The following PLXNA2 variants were observed in gnomAD, a reference collection of about 807,000 sequenced individuals.
PLXNA2 encodes plexin A2.
PLXNA2 carries 91 observed loss-of-function variants against 193.5 expected under a neutral mutation model. The observed-to-expected ratio is 0.47, with a 90% CI of 0.40 to 0.56. PLXNA2 has a LOEUF of 0.56. PLXNA2 is among the 20% of genes least tolerant of loss of function. The pLI is 0.00. For synonymous variants in PLXNA2, 997 were observed against 1,027.3 expected (o/e 0.97, Z 0.56); for missense variants, 1,995 against 2,503.2 (o/e 0.80, Z 4.33).
chr1:208,045,100 C>T lies in PLXNA2; in HGVS notation c.3606G>A (p.Glu1202=), dbSNP rs755422630. The T allele has an allele frequency of 1.5e-5, 25 of 1,614,072 alleles. No homozygotes were observed. The highest frequency in any genetic ancestry group is 2.1e-5 in the Non-Finnish European group (25 of 1,180,016). The change falls in exon 19 of 32, where the codon GAG becomes GAA. Residue 1202 remains glutamate (E), a synonymous_variant. Coordinates refer to ENST00000367033, the MANE Select transcript of PLXNA2 (RefSeq NM_025179.4). ...VTVSETQLLC[E]PPNLTGQHKV... ...TGTGCTGCCCGGTGAGGTTGGGAGG[C>T]TCGCAGAGAAGCTGGGTCTCAGATA...
At chr1:208,231,559 G>A (rs1033359378) in intron 1 of PLXNA2, among the ~76,000 whole-genome samples, 2 of 152,108 alleles carry the variant, frequency 1.3e-5, no homozygotes, top group Non-Finnish European at 2.9e-5. Context: ...CATGCCCTTC[G>A]GAAAAACCTT....
intron 9 of PLXNA2, among the ~76,000 whole-genome samples, chr1:208,090,778 G>A (rs546686935): frequency 1.3e-5 from 2 of 152,218 alleles, no homozygotes; most frequent in African/African-American, 4.8e-5. Flanking sequence ...TTTTATTAAG[G>A]AACTTTCAAA....
chr1:208,156,081 T>G (rs2102506213), intron 3 of PLXNA2, among the ~76,000 whole-genome samples: 1 of 152,166 alleles, frequency 6.6e-6, no homozygotes, highest in South Asian at 2.1e-4. Context: ...TCCTGGGCAT[T>G]TCCTAAGTGG....
At chr1:208,117,528 G>C (rs1328248900) in intron 4 of PLXNA2, among the ~76,000 whole-genome samples, 4 of 152,204 alleles carry the variant, frequency 2.6e-5, no homozygotes, top group African/African-American at 9.6e-5. Context: ...GCGGACATCT[G>C]TATGGAGAGA....
At chr1:208,240,338 C>T (rs77258479) in intron 1 of PLXNA2, among the ~76,000 whole-genome samples, 285 of 152,326 alleles carry the variant, frequency 1.9e-3, no homozygotes, top group Non-Finnish European at 3.3e-3. Flanking sequence ...ATCCCTCCCT[C>T]GTGCCTTGAG....
chr1:208,205,017 A>T (rs1670672436), intron 3 of PLXNA2, among the ~76,000 whole-genome samples: 1 of 152,142 alleles, frequency 6.6e-6, no homozygotes, highest in African/African-American at 2.4e-5. Context: ...CCCTGCAGGG[A>T]TGTGAAACCT....
chr1:208,134,562 T>C (rs182571437), intron 4 of PLXNA2, among the ~76,000 whole-genome samples: 1 of 152,276 alleles, frequency 6.6e-6, no homozygotes, highest in East Asian at 1.9e-4. Context: ...TATCCTCACT[T>C]TCCTAATCCG....
chr1:208,118,725 G>A (rs895299344), intron 4 of PLXNA2, among the ~76,000 whole-genome samples: 11 of 152,142 alleles, frequency 7.2e-5, no homozygotes, highest in Admixed American at 3.3e-4. Flanking sequence ...GGGGGAGATA[G>A]AAGAGAGACA....
At chr1:208,209,186 G>A (rs1026254640) in intron 3 of PLXNA2, among the ~76,000 whole-genome samples, 3 of 152,136 alleles carry the variant, frequency 2.0e-5, no homozygotes, top group Non-Finnish European at 4.4e-5. Flanking sequence ...AAGAAGCCTG[G>A]AGGGTTTAGC....
intron 6 of PLXNA2, 126 bp downstream of exon 6, chr1:208,098,720 A>G: frequency 8.9e-7 from 1 of 1,121,872 alleles, no homozygotes. Flanking sequence ...CTATAAACAT[A>G]AAGTCTCCTT....
At chr1:208,100,347 C>A (rs1372801763) in intron 5 of PLXNA2, among the ~76,000 whole-genome samples, 4 of 151,542 alleles carry the variant, frequency 2.6e-5, no homozygotes, top group Non-Finnish European at 4.4e-5. Flanking sequence ...CACAGTGAGA[C>A]CTTATCTCAA....
intron 9 of PLXNA2, among the ~76,000 whole-genome samples, chr1:208,087,610 C>G (rs1431702187): frequency 6.6e-6 from 1 of 152,090 alleles, no homozygotes; most frequent in Non-Finnish European, 1.5e-5. Flanking sequence ...GATTTTTTCC[C>G]TTCTATTCTC....
chr1:208,192,358 G>T (rs983702656), intron 3 of PLXNA2, among the ~76,000 whole-genome samples: 5 of 152,236 alleles, frequency 3.3e-5, no homozygotes, highest in Middle Eastern at 6.8e-3. Context: ...GGCAGGTGGT[G>T]ACTGTGGTGC....
chr1:208,218,074 AG>A (rs549981332), intron 1 of PLXNA2, 72 bp from the exon 2 acceptor site: 9 of 1,381,106 alleles, frequency 6.5e-6, no homozygotes, highest in Admixed American at 6.0e-5. Flanking sequence ...GGCCTGACCC[AG>A]GGTCCCCATC....
At chr1:208,158,704 T>C (rs924807242) in intron 3 of PLXNA2, among the ~76,000 whole-genome samples, 5 of 152,226 alleles carry the variant, frequency 3.3e-5, no homozygotes, top group Non-Finnish European at 7.3e-5. Flanking sequence ...GAGAGGGATT[T>C]TGGACAGAAA....
intron 4 of PLXNA2, among the ~76,000 whole-genome samples, chr1:208,140,687 G>A (rs1354652994): frequency 6.6e-6 from 1 of 152,280 alleles, no homozygotes; most frequent in Non-Finnish European, 1.5e-5. Context: ...ACCTTCTGCT[G>A]TTTTCTTTTC....
chr1:208,239,698 G>A (rs750083845), intron 1 of PLXNA2, among the ~76,000 whole-genome samples: 7 of 152,208 alleles, frequency 4.6e-5, no homozygotes, highest in African/African-American at 1.2e-4. Flanking sequence ...CTCCTGCTCC[G>A]AATCCTGTGT....
intron 1 of PLXNA2, among the ~76,000 whole-genome samples, chr1:208,226,832 C>T (rs1483712442): frequency 6.6e-6 from 1 of 152,254 alleles, no homozygotes; most frequent in Non-Finnish European, 1.5e-5. Flanking sequence ...CTTCAACCCC[C>T]TTTGGGGGAG....
At chr1:208,152,685 A>ACACACACG (rs1668804361) in intron 3 of PLXNA2, among the ~76,000 whole-genome samples, 2 of 36,726 alleles carry the variant, frequency 5.4e-5, no homozygotes, top group Non-Finnish European at 2.6e-4. Context: ...ACACACACGC[A>ACACACACG]CACACACACA....
Sources: allele counts gnomAD v4.1 joint callset (sites outside exome capture counted in the v4.1 genomes callset), GRCh38; gene constraint gnomAD v4.1.1; transcripts MANE v1.5; gene names NCBI Gene and HGNC (gene_info 2026-07-23, HGNC 2026-07-21).